The following CDH13 variants were observed in gnomAD, a reference collection of about 807,000 sequenced individuals.
CDH13 encodes the protein cadherin 13, also known as cadherin-13.
A neutral mutation model predicts 63.8 loss-of-function variants in CDH13; 24 were observed. That is an observed-to-expected ratio of 0.38 (90% confidence interval 0.27 to 0.53). CDH13 has a LOEUF of 0.53. Ranked by LOEUF, CDH13 falls within the 20% of genes least tolerant of loss-of-function variation. The pLI, the probability that CDH13 is intolerant of heterozygous loss-of-function variation, is 0.85. For synonymous variants in CDH13, 503 were observed against 355.3 expected (o/e 1.42, Z -4.67); for missense variants, 1,049 against 903.1 (o/e 1.16, Z -2.07).
intron 2 of CDH13, among the ~76,000 whole-genome samples, chr16:82,999,309 C>G (rs1912602600): frequency 6.6e-6 from 1 of 152,074 alleles, no homozygotes; most frequent in Non-Finnish European, 1.5e-5. Context: ...GTGCACATAA[C>G]CTTAGGGAGG....
chr16:83,458,313 T>C (rs1352796147), intron 6 of CDH13, among the ~76,000 whole-genome samples: 1 of 152,208 alleles, frequency 6.6e-6, no homozygotes, highest in Non-Finnish European at 1.5e-5. Context: ...AACTAAGTCA[T>C]TCTTGTAGCA....
intron 3 of CDH13, among the ~76,000 whole-genome samples, chr16:83,056,599 C>G (rs1293102490): frequency 6.6e-6 from 1 of 152,182 alleles, no homozygotes; most frequent in Non-Finnish European, 1.5e-5. Flanking sequence ...ACTAACTAAT[C>G]TCTGTTGAGC....
chr16:83,171,082 G>T (rs989980407), intron 4 of CDH13, among the ~76,000 whole-genome samples: 1 of 152,078 alleles, frequency 6.6e-6, no homozygotes, highest in Admixed American at 6.6e-5. Flanking sequence ...AAGAGAAGAG[G>T]TTTAATTCGC....
At chr16:83,484,288 C>T (rs928002521) in intron 6 of CDH13, among the ~76,000 whole-genome samples, 3 of 152,160 alleles carry the variant, frequency 2.0e-5, no homozygotes, top group Admixed American at 2.0e-4. Context: ...CTTTAGGCTT[C>T]AGTGTTTTCT....
chr16:83,211,839 A>G (rs1417277469), intron 4 of CDH13, among the ~76,000 whole-genome samples: 1 of 152,008 alleles, frequency 6.6e-6, no homozygotes, highest in African/African-American at 2.4e-5. Flanking sequence ...ATGCCCTTCC[A>G]GAGTGTTGAC....
intron 1 of CDH13, among the ~76,000 whole-genome samples, chr16:82,691,429 A>G (rs951011741): frequency 2.6e-5 from 4 of 152,138 alleles, no homozygotes; most frequent in African/African-American, 4.8e-5. Flanking sequence ...AAGTTGGTGA[A>G]TGGGTGTCCC....
rs192761661 is a variant in CDH13, at chr16:83,797,919, A to T, written c.*2889A>T. The T allele has an allele frequency of 3.5e-4, 54 of 152,350 alleles. No homozygotes were observed. The highest frequency in any genetic ancestry group is 1.3e-3 in the African/African-American group (54 of 41,578). 9.4% of individuals were successfully genotyped at this position (152,350 alleles called of 1,614,324 possible). On this transcript the variant is annotated 3_prime_UTR_variant, in exon 14 of 14. Coordinates refer to ENST00000567109, the MANE Select transcript of CDH13 (RefSeq NM_001257.5). ...TAATAAGAATATGCACACATTTTCT[A>T]ATTTCAATAAAAGTCACCTTCAATA...
chr16:83,103,242 A>C (rs191651885), intron 3 of CDH13, among the ~76,000 whole-genome samples: 1,615 of 102,868 alleles, frequency 0.016, 36 homozygotes, highest in African/African-American at 0.051. Flanking sequence ...CGTTAACTGA[A>C]CTTTTTTTTT....
chr16:83,748,029 A>T (rs1912749698), intron 10 of CDH13, 79 bp from the exon 11 acceptor site: 5 of 1,457,924 alleles, frequency 3.4e-6, no homozygotes, highest in South Asian at 2.3e-5. Context: ...CTAGCCTAGG[A>T]GCTCATGCCC....
chr16:82,701,332 T>A (rs902954101), intron 1 of CDH13, among the ~76,000 whole-genome samples: 1 of 152,166 alleles, frequency 6.6e-6, no homozygotes, highest in Non-Finnish European at 1.5e-5. Context: ...ATCCAACTTA[T>A]AATTTTTCTA....
intron 1 of CDH13, among the ~76,000 whole-genome samples, chr16:82,766,171 C>G (rs2035046046): frequency 1.3e-5 from 2 of 152,206 alleles, no homozygotes; most frequent in South Asian, 4.1e-4. Flanking sequence ...CTGGAGTCTT[C>G]TTTAGGCTTC....
intron 1 of CDH13, among the ~76,000 whole-genome samples, chr16:82,767,623 C>T (rs1396530782): frequency 6.6e-6 from 1 of 152,184 alleles, no homozygotes; most frequent in Non-Finnish European, 1.5e-5. Flanking sequence ...TGTTCATGTT[C>T]TTTCTTTCCA....
At chr16:83,531,788 A>C (rs2075089480) in intron 7 of CDH13, among the ~76,000 whole-genome samples, 1 of 152,144 alleles carries the variant, frequency 6.6e-6, no homozygotes, top group South Asian at 2.1e-4. Flanking sequence ...GGCCACCTTA[A>C]TTTTAGCACA....
intron 10 of CDH13, among the ~76,000 whole-genome samples, chr16:83,744,748 C>A (rs56233754): frequency 6.6e-6 from 1 of 152,170 alleles, no homozygotes; most frequent in Non-Finnish European, 1.5e-5. Context: ...TTCAGTTTGC[C>A]CTCACAGCTA....
chr16:83,623,237 C>G (rs2150780899), intron 8 of CDH13, among the ~76,000 whole-genome samples: 1 of 152,282 alleles, frequency 6.6e-6, no homozygotes, highest in East Asian at 1.9e-4. Flanking sequence ...CCCAGGGACT[C>G]AGTCCCCTAT....
At chr16:83,131,364 C>A (rs1253311085) in intron 4 of CDH13, among the ~76,000 whole-genome samples, 5 of 152,206 alleles carry the variant, frequency 3.3e-5, no homozygotes, top group South Asian at 2.1e-4. Flanking sequence ...AACATACTTG[C>A]TCATACCTGT....
At chr16:83,620,382 T>A in intron 8 of CDH13, among the ~76,000 whole-genome samples, 1 of 93,650 alleles carries the variant, frequency 1.1e-5, no homozygotes, top group East Asian at 3.2e-4. Context: ...AGAGCGAGAC[T>A]CCGTCTCAAA....
chr16:83,200,357 G>C (rs188440746), intron 4 of CDH13, among the ~76,000 whole-genome samples: 4 of 152,258 alleles, frequency 2.6e-5, no homozygotes, highest in Admixed American at 2.6e-4. Context: ...GACTAAACCA[G>C]TCTCCTTTTC....
intron 1 of CDH13, among the ~76,000 whole-genome samples, chr16:82,812,444 G>C (rs1014839346): frequency 2.0e-5 from 3 of 152,144 alleles, no homozygotes; most frequent in African/African-American, 7.2e-5. Flanking sequence ...CTAAAAATGA[G>C]ACTTTGGAGG....
Sources: allele counts gnomAD v4.1 joint callset (sites outside exome capture counted in the v4.1 genomes callset), GRCh38; gene constraint gnomAD v4.1.1; transcripts MANE v1.5; gene names NCBI Gene and HGNC (gene_info 2026-07-23, HGNC 2026-07-21).